Variants in CDIN1 observed in about 807,000 individuals in gnomAD.
CDIN1 encodes the protein CDAN1 interacting nuclease 1.
In CDIN1, 33 loss-of-function variants were observed where a neutral mutation model predicts 45.3. The ratio of observed to expected loss-of-function variants is 0.73; its 90% CI spans 0.55 to 0.97. The LOEUF (loss-of-function observed/expected upper bound fraction) is 0.97, where lower values mean the gene tolerates loss of function less well. Ranked by LOEUF, CDIN1 falls within the 50% of genes least tolerant of loss-of-function variation. The pLI is 0.00. For synonymous variants in CDIN1, 118 were observed against 124.4 expected (o/e 0.95, Z 0.34); for missense variants, 303 against 339.4 (o/e 0.89, Z 0.84).
chr15:36,589,859 TC>T (rs1241758040), intron 1 of CDIN1, among the ~76,000 whole-genome samples: 1 of 152,210 alleles, frequency 6.6e-6, no homozygotes, highest in Non-Finnish European at 1.5e-5. Flanking sequence ...GATTGTTTGG[TC>T]GGTCCATGGG....
intron 5 of CDIN1, chr15:36,691,103 A>C: frequency 2.0e-6 from 1 of 510,910 alleles, no homozygotes; most frequent in Non-Finnish European, 3.9e-6. Context: ...CTCTCAATTC[A>C]GTCAGTTTTA....
chr15:36,757,011 C>T (rs576970732), intron 10 of CDIN1, among the ~76,000 whole-genome samples: 2 of 152,244 alleles, frequency 1.3e-5, no homozygotes, highest in South Asian at 4.1e-4. Context: ...AGTGAAAAGG[C>T]TTCAGTTTGT....
At position 36,766,338 on chromosome 15, in the gene CDIN1, G is replaced by A. The variant is rs138425010; in HGVS notation, c.717-41986G>A. Among the ~76,000 whole-genome samples the A allele has an allele frequency of 4.9e-3, 748 of 152,152 alleles. 6 individuals carry two copies. The highest frequency in any genetic ancestry group is 8.4e-3 in the Non-Finnish European group (572 of 68,026). On this transcript the variant is annotated intron_variant, in intron 10 of 10. Coordinates refer to ENST00000566621, the MANE Select transcript of CDIN1 (RefSeq NM_001321759.2). ...ACCTTTAGGTTGTTTCCATATCTTA[G>A]TTACTGTGAATATTGCTGCCATGAA... is the stretch of plus-strand genomic sequence containing the variant.
chr15:36,617,742 T>C (rs2038962981), intron 1 of CDIN1: 1 of 800,998 alleles, frequency 1.2e-6, no homozygotes, highest in East Asian at 2.5e-5. Flanking sequence ...GAAAGCTTTG[T>C]TCAAATTGAA....
chr15:36,778,472 ATCC>A (rs1401511657), intron 10 of CDIN1, among the ~76,000 whole-genome samples: 2 of 152,168 alleles, frequency 1.3e-5, no homozygotes, highest in African/African-American at 2.4e-5. Context: ...CCACATTCCT[ATCC>A]TCTGCAATTG....
chr15:36,741,088 C>T (rs1289249075), intron 10 of CDIN1, among the ~76,000 whole-genome samples: 3 of 152,098 alleles, frequency 2.0e-5, no homozygotes, highest in African/African-American at 7.2e-5. Flanking sequence ...AGGTGTGGAC[C>T]ACCACACCCA....
chr15:36,602,188 G>T (rs995981550), intron 1 of CDIN1, among the ~76,000 whole-genome samples: 3 of 152,210 alleles, frequency 2.0e-5, no homozygotes, highest in African/African-American at 7.2e-5. Flanking sequence ...GGTGTGCCCT[G>T]TGCCTGCCAG....
At chr15:36,660,905 T>G (rs1429878043) in intron 5 of CDIN1, among the ~76,000 whole-genome samples, 3 of 152,206 alleles carry the variant, frequency 2.0e-5, no homozygotes, top group Admixed American at 2.0e-4. Context: ...AATTGAATTA[T>G]TTTTCTTCCT....
chr15:36,728,139 A>T (rs1174107181), intron 10 of CDIN1, among the ~76,000 whole-genome samples: 3 of 152,132 alleles, frequency 2.0e-5, no homozygotes, highest in Non-Finnish European at 4.4e-5. Flanking sequence ...TTGTATGTGG[A>T]GGGAGGAATT....
intron 10 of CDIN1, among the ~76,000 whole-genome samples, chr15:36,774,163 T>TGTGTGTGTGTGTGTGCGC (rs149222188): frequency 7.0e-5 from 10 of 143,070 alleles, no homozygotes; most frequent in African/African-American, 2.7e-4. Context: ...TGTGTGTGTG[T>TGTGTGTGTGTGTGTGCGC]GCGCGCGCGC....
intron 1 of CDIN1, among the ~76,000 whole-genome samples, chr15:36,643,057 G>A (rs924327965): frequency 6.6e-6 from 1 of 152,048 alleles, no homozygotes; most frequent in African/African-American, 2.4e-5. Flanking sequence ...TTTCAAAGGG[G>A]CTTTTCAGTT....
At chr15:36,620,012 A>C (rs866100802) in intron 1 of CDIN1, among the ~76,000 whole-genome samples, 1 of 152,076 alleles carries the variant, frequency 6.6e-6, no homozygotes, top group Non-Finnish European at 1.5e-5. Flanking sequence ...ACATGTGACT[A>C]CTAATCAGTT....
At chr15:36,743,772 C>T (rs1235490418) in intron 10 of CDIN1, among the ~76,000 whole-genome samples, 2 of 151,912 alleles carry the variant, frequency 1.3e-5, no homozygotes, top group Admixed American at 6.6e-5. Flanking sequence ...GCATGTGGTC[C>T]TGGCTACTTG....
chr15:36,618,531 T>A lies in CDIN1; in HGVS notation c.102-25747T>A, dbSNP rs2039004222. The A allele has an allele frequency of 6.7e-6, 8 of 1,195,152 alleles. No homozygotes were observed. In the South Asian group the frequency reaches 9.7e-5, roughly 14 times the overall value. 74.0% of individuals were successfully genotyped at this position (1,195,152 alleles called of 1,614,324 possible). On this transcript the variant is annotated intron_variant, in intron 1 of 10. Transcript: ENST00000566621. ...CAAAGTTTGACTTACTAGCCTCAAA[T>A]TTTCCACCTTTACCTGGAAGTTCAT...
chr15:36,708,041 A>T (rs1290895063), intron 8 of CDIN1: 1 of 152,158 alleles, frequency 6.6e-6, no homozygotes, highest in Non-Finnish European at 1.5e-5. Context: ...TACTTTAAAT[A>T]TGTGTCTTGT....
chr15:36,710,011 C>G, intron 10 of CDIN1, 50 bp downstream of exon 10: 1 of 1,344,572 alleles, frequency 7.4e-7, no homozygotes, highest in Non-Finnish European at 1.0e-6. Context: ...CAGCTGAAAT[C>G]TCATTAGAAA....
At chr15:36,778,170 C>T (rs79608761) in intron 10 of CDIN1, among the ~76,000 whole-genome samples, 4 of 152,078 alleles carry the variant, frequency 2.6e-5, no homozygotes, top group Non-Finnish European at 4.4e-5. Context: ...GCTTTGTCAC[C>T]GTCAGGTCTT....
chr15:36,580,601 C>CT (rs1343748115), intron 1 of CDIN1, among the ~76,000 whole-genome samples: 1 of 152,176 alleles, frequency 6.6e-6, no homozygotes, highest in East Asian at 1.9e-4. Flanking sequence ...CCAAACACTT[C>CT]TTTTTTCAGC....
chr15:36,589,418 A>G (rs927309806), intron 1 of CDIN1, among the ~76,000 whole-genome samples: 5 of 152,042 alleles, frequency 3.3e-5, no homozygotes, highest in African/African-American at 9.7e-5. Context: ...TCTGCTGTCA[A>G]GTTGCTTAAA....
Sources: allele counts gnomAD v4.1 joint callset (sites outside exome capture counted in the v4.1 genomes callset), GRCh38; gene constraint gnomAD v4.1.1; transcripts MANE v1.5; gene names NCBI Gene and HGNC (gene_info 2026-07-23, HGNC 2026-07-21).